The following PTGER3 variants were observed in gnomAD, a reference collection of about 807,000 sequenced individuals.
PTGER3 encodes the protein prostaglandin E receptor 3.
Under a neutral mutation model 34.7 loss-of-function variants are expected in PTGER3, and 22 were observed. That is an observed-to-expected ratio of 0.63 (90% confidence interval 0.45 to 0.91). The LOEUF (loss-of-function observed/expected upper bound fraction) is 0.91. Among genes scored for constraint, PTGER3 ranks in the 40% least tolerant of loss-of-function variants. The pLI, the probability that PTGER3 is intolerant of heterozygous loss-of-function variation, is 0.00. For synonymous variants in PTGER3, 241 were observed against 230.1 expected, an observed-to-expected ratio of 1.05 and a Z score of -0.43; for missense variants, 468 against 519.4, an observed-to-expected ratio of 0.90 and a Z score of 0.96.
chr1:70,936,204 T>G (rs1649211040), intron 4 of PTGER3, among the ~76,000 whole-genome samples: 1 of 152,154 alleles, frequency 6.6e-6, no homozygotes, highest in South Asian at 2.1e-4. Context: ...TGCAAACCCT[T>G]GGGCTCTGGG....
chr1:70,989,994 T>C (rs1340668054), intron 2 of PTGER3, among the ~76,000 whole-genome samples: 1 of 151,934 alleles, frequency 6.6e-6, no homozygotes, highest in African/African-American at 2.4e-5. Flanking sequence ...GATGTGTGTA[T>C]ATACACATCA....
At chr1:70,938,692 AC>A (rs895176217) in intron 4 of PTGER3, among the ~76,000 whole-genome samples, 6 of 152,200 alleles carry the variant, frequency 3.9e-5, no homozygotes, top group African/African-American at 1.4e-4. Flanking sequence ...TGAGGAAGAA[AC>A]AAAAGTGGAA....
downstream of PTGER3, among the ~76,000 whole-genome samples, chr1:70,950,139 G>A (rs1650618821): frequency 6.6e-6 from 1 of 152,130 alleles, no homozygotes; most frequent in Non-Finnish European, 1.5e-5. Flanking sequence ...GAGCTCCATG[G>A]ATTAACTTTC....
chr1:71,010,409 T>C, intron 2 of PTGER3: 12 of 984,650 alleles, frequency 1.2e-5, no homozygotes, highest in Non-Finnish European at 1.4e-5. Context: ...CTGGCAAACT[T>C]CTGCTCATTG....
At chr1:70,974,704 C>T (rs1038469351) in intron 2 of PTGER3, among the ~76,000 whole-genome samples, 1 of 152,098 alleles carries the variant, frequency 6.6e-6, no homozygotes, top group African/African-American at 2.4e-5. Flanking sequence ...AATTCAACCA[C>T]CCTCCAGCTG....
At chr1:70,964,777 AT>A (rs1652334978) in intron 2 of PTGER3, among the ~76,000 whole-genome samples, 1 of 152,192 alleles carries the variant, frequency 6.6e-6, no homozygotes, top group Non-Finnish European at 1.5e-5. Flanking sequence ...ATTATCTTGA[AT>A]TATTATGTTT....
At chr1:70,945,013 T>C (rs569779091) in intron 4 of PTGER3, among the ~76,000 whole-genome samples, 4 of 152,226 alleles carry the variant, frequency 2.6e-5, no homozygotes, top group South Asian at 2.1e-4. Flanking sequence ...GTCTCCAGAT[T>C]GTTTCTACTG....
At chr1:70,884,163 T>G (rs1646451421) in intron 4 of PTGER3, 1 of 316,558 alleles carries the variant, frequency 3.2e-6, no homozygotes, top group Non-Finnish European at 6.3e-6. Context: ...TAAGTAATTC[T>G]GAGACACTTA....
chr1:71,033,489 T>C (rs773220725), intron 1 of PTGER3, among the ~76,000 whole-genome samples: 5 of 152,220 alleles, frequency 3.3e-5, no homozygotes, highest in Non-Finnish European at 7.3e-5. Flanking sequence ...AGACTTCTAG[T>C]TTATTTATTG....
rs1272721097 is a variant in PTGER3, at chr1:71,009,247, A to ATCTT, written c.1077+3054_1077+3057dup. ...CACTCAATGCCAATGTGCTCACAGG[A>ATCTT]TCTTTCATAGTTAACTTACATGAGG... is the stretch of plus-strand genomic sequence containing the variant. On this transcript the variant is annotated intron_variant, in intron 2 of 3. Transcript: ENST00000306666. 4.1e-6 allele frequency: 4 copies of ATCTT among 985,088 alleles called. No homozygotes were observed. In the African/African-American group the frequency reaches 7.0e-5, roughly 17 times the overall value. 61.0% of individuals were successfully genotyped at this position (985,088 alleles called of 1,614,324 possible).
rs943657576 is a variant in PTGER3 at position 70,971,693 on chromosome 1, C to T, written c.*37G>A. On this transcript the variant is annotated 3_prime_UTR_variant, in exon 4 of 4. Coordinates refer to ENST00000306666, the MANE Select transcript of PTGER3 (RefSeq NM_198719.2). Reference sequence around the variant, plus strand: ...GAAGAAATATGCAAATTCAGGGAAGCAGGAATTGCAATAAAATGTCCAACT... The same window carrying T: ...GAAGAAATATGCAAATTCAGGGAAGTAGGAATTGCAATAAAATGTCCAACT... 1 of 1,551,720 alleles carries T rather than the reference C, an allele frequency of 6.4e-7. No individual in the cohort carries two copies. Among genetic ancestry groups the T allele is most frequent in the Non-Finnish European group, 8.7e-7 (1 of 1,149,678 alleles).
At position 71,047,672 on chromosome 1, in the gene PTGER3, C is replaced by G. The variant is rs1452013773; in HGVS notation, c.-95G>C. On this transcript the variant is annotated 5_prime_UTR_variant, in exon 1 of 4. Coordinates refer to ENST00000306666, the MANE Select transcript of PTGER3 (RefSeq NM_198719.2). ...CGGCGGCGGAGGTCGGCGTTTACCG[C>G]GGCTGGGGCTGGGCTGCCCCCCATG... The G allele has an allele frequency of 2.5e-5, 35 of 1,390,826 alleles. No individual in the cohort carries two copies. The highest frequency in any genetic ancestry group is 2.8e-5 in the Non-Finnish European group (29 of 1,047,338). 86.2% of individuals were successfully genotyped at this position (1,390,826 alleles called of 1,614,324 possible).
At chr1:70,960,233 G>A (rs546689430) in intron 2 of PTGER3, among the ~76,000 whole-genome samples, 1 of 152,158 alleles carries the variant, frequency 6.6e-6, no homozygotes, top group South Asian at 2.1e-4. Context: ...CACTCAGCAT[G>A]TGGTATTTCA....
At chr1:70,963,213 C>G (rs1447917002) in intron 2 of PTGER3, among the ~76,000 whole-genome samples, 1 of 152,148 alleles carries the variant, frequency 6.6e-6, no homozygotes, top group Non-Finnish European at 1.5e-5. Context: ...GGGTACATCC[C>G]CTCTCCTGAC....
chr1:71,035,579 C>G (rs530101474), intron 1 of PTGER3, among the ~76,000 whole-genome samples: 25 of 152,368 alleles, frequency 1.6e-4, no homozygotes, highest in African/African-American at 6.0e-4. Flanking sequence ...CTCTGATGCT[C>G]TACCCATCTA....
intron 2 of PTGER3, among the ~76,000 whole-genome samples, chr1:70,954,556 T>C (rs371146193): frequency 3.3e-5 from 5 of 152,184 alleles, no homozygotes; most frequent in Admixed American, 1.3e-4. Flanking sequence ...TCATAGATGA[T>C]GGAACTGAAG....
rs1015221826 is a variant in PTGER3 at position 70,971,306 on chromosome 1, T to G, written c.*424A>C. ...AATTATCACTCTCAATATGTTGACT[T>G]TTCACCATCATAAGCTTATACTGAT... On this transcript the variant is annotated 3_prime_UTR_variant, in exon 4 of 4. Transcript: ENST00000306666. The G allele has an allele frequency of 3.0e-6, 3 of 988,006 alleles. No individual in the cohort carries two copies. The highest frequency in any genetic ancestry group is 3.5e-5 in the African/African-American group (2 of 57,318). The allele number at this position is 988,006 out of a possible 1,614,324, so 61.2% of individuals were successfully genotyped here. A position where few individuals can be genotyped will look rare whatever the true frequency, so the allele number is the denominator to read the frequency against.
chr1:71,011,150 A>G (rs990205223), intron 2 of PTGER3: 5 of 985,622 alleles, frequency 5.1e-6, no homozygotes, highest in African/African-American at 3.5e-5. Context: ...CAAATACGTC[A>G]AGCTTAGCTA....
At chr1:70,872,327 A>T (rs1434208716) in intron 4 of PTGER3, among the ~76,000 whole-genome samples, 1 of 152,206 alleles carries the variant, frequency 6.6e-6, no homozygotes, top group East Asian at 1.9e-4. Context: ...TCTTGTAAAC[A>T]GTTGTGCATA....
Sources: allele counts gnomAD v4.1 joint callset (sites outside exome capture counted in the v4.1 genomes callset), GRCh38; gene constraint gnomAD v4.1.1; transcripts MANE v1.5; gene names NCBI Gene and HGNC (gene_info 2026-07-23, HGNC 2026-07-21).